SLC8A1: variants seen among roughly 807,000 people sequenced by gnomAD.
The protein encoded by SLC8A1 is sodium/calcium exchanger 1.
In SLC8A1, 18 loss-of-function variants were observed where a neutral mutation model predicts 68.3. The observed-to-expected ratio is 0.26, with a 90% CI of 0.18 to 0.39. The LOEUF is 0.39. Ranked by LOEUF, SLC8A1 falls within the 10% of genes least tolerant of loss-of-function variation. The pLI, the probability that SLC8A1 is intolerant of heterozygous loss-of-function variation, is 1.00. For missense variants in SLC8A1, 985 were observed against 1,156.7 expected, an observed-to-expected ratio of 0.85 and a Z score of 2.15; for synonymous variants, 475 against 415.5, an observed-to-expected ratio of 1.14 and a Z score of -1.74.
At chr2:40,416,711 G>T (rs755884729) in intron 2 of SLC8A1, among the ~76,000 whole-genome samples, 5 of 152,158 alleles carry the variant, frequency 3.3e-5, no homozygotes, top group Non-Finnish European at 7.4e-5. Context: ...GTAGCCTAAT[G>T]AGCCAAGTTG....
chr2:40,508,293 G>C (rs966960772), intron 1 of SLC8A1, among the ~76,000 whole-genome samples: 3 of 150,886 alleles, frequency 2.0e-5, no homozygotes, highest in Admixed American at 2.0e-4. Context: ...TTTCTGTTAA[G>C]GTATGATTTC....
intron 2 of SLC8A1, among the ~76,000 whole-genome samples, chr2:40,401,567 CAAAAAAAAAAAAAA>C: frequency 1.1e-5 from 1 of 94,074 alleles, no homozygotes. Context: ...ATAGGCCAGT[CAAAAAAAAAAAAAA>C]AAAAAAAAAG....
intron 2 of SLC8A1, among the ~76,000 whole-genome samples, chr2:40,367,378 A>G (rs997207754): frequency 6.6e-6 from 1 of 151,948 alleles, no homozygotes; most frequent in Non-Finnish European, 1.5e-5. Flanking sequence ...ATATTCTAAC[A>G]CTTCGCTGAT....
Position 40,460,120 on chromosome 2 carries a change from T to C in SLC8A1, c.-24-29816A>G, listed in dbSNP as rs148745029. On this transcript the variant is annotated intron_variant, in intron 1 of 7. Transcript: ENST00000402441. ...AAAGCAGATTACAACTCATATACTGTGCTTTTTTGAAATGAATGATATCAG... is the reference window on the plus strand; with the variant it reads ...AAAGCAGATTACAACTCATATACTGCGCTTTTTTGAAATGAATGATATCAG... Among the ~76,000 whole-genome samples the C allele has an allele frequency of 2.6e-5, 4 of 152,354 alleles. No individual in the cohort carries two copies. In the East Asian group the frequency reaches 5.8e-4, roughly 22 times the overall value.
At chr2:40,508,971 C>T (rs1197848022) in intron 1 of SLC8A1, among the ~76,000 whole-genome samples, 1 of 152,132 alleles carries the variant, frequency 6.6e-6, no homozygotes, top group Non-Finnish European at 1.5e-5. Context: ...CATGTGCAAT[C>T]AGAGTTGATA....
chr2:40,157,624 CTGG>C (rs2044800840), intron 6 of SLC8A1, among the ~76,000 whole-genome samples: 1 of 152,138 alleles, frequency 6.6e-6, no homozygotes, highest in Non-Finnish European at 1.5e-5. Flanking sequence ...CCATTCTGCC[CTGG>C]TAGAAGGAGA....
rs999713033 is a variant in SLC8A1, at chr2:40,231,777, T to C, written c.1809-53922A>G. 3.9e-5 allele frequency among the ~76,000 whole-genome samples: 6 copies of C among 152,238 alleles called. No homozygotes were observed. The East Asian group carries it at 5.8e-4, about 15-fold the overall frequency. On this transcript the variant is annotated intron_variant, in intron 2 of 7. Transcript: ENST00000406785. ...CAAGAACTAGCAACACCCACATCAA[T>C]AGCATCCACCTTTACCATCACCTAT...
At chr2:40,421,539 G>A (rs943692324) in intron 2 of SLC8A1, among the ~76,000 whole-genome samples, 2 of 152,114 alleles carry the variant, frequency 1.3e-5, no homozygotes, top group Non-Finnish European at 2.9e-5. Flanking sequence ...ATATCTTAGG[G>A]TATTTTATTA....
At position 40,165,096 on chromosome 2, in the gene SLC8A1, G is replaced by C; in HGVS notation, c.1931-112C>G. The C allele has an allele frequency of 6.6e-6, 9 of 1,360,686 alleles. No homozygotes were observed. The South Asian group carries it at 1.1e-4, about 17-fold the overall frequency. 84.3% of individuals were successfully genotyped at this position (1,360,686 alleles called of 1,614,324 possible). On this transcript the variant is annotated intron_variant, in intron 4 of 7. Transcript: ENST00000406785. ...AAGGAAGCCCTAATGACCTACTAAA[G>C]CCCCCTGGGTGAGATCACGATGCTG...
intron 1 of SLC8A1, among the ~76,000 whole-genome samples, chr2:40,469,036 T>C (rs368181654): frequency 8.5e-5 from 13 of 152,276 alleles, no homozygotes; most frequent in Non-Finnish European, 1.6e-4. Context: ...AGTGCAAAAA[T>C]ATTACCACAC....
At chr2:40,185,863 G>A (rs1210157443) in intron 2 of SLC8A1, among the ~76,000 whole-genome samples, 1 of 152,156 alleles carries the variant, frequency 6.6e-6, no homozygotes, top group East Asian at 1.9e-4. Flanking sequence ...AGAATGTTTG[G>A]AGTTTTCAGT....
At chr2:40,316,232 C>T (rs2074429520) in intron 2 of SLC8A1, among the ~76,000 whole-genome samples, 3 of 152,052 alleles carry the variant, frequency 2.0e-5, no homozygotes, top group African/African-American at 2.4e-5. Flanking sequence ...CTGGACTCAA[C>T]TGTCCTTTGT....
Position 40,270,735 on chromosome 2 carries a change from G to C in SLC8A1, c.1809-92880C>G, listed in dbSNP as rs187942737. ...TCAGGTGACAGATACACAGGTTCTGGGAATTAGAACATGGACATCTTGGGT... is the reference window on the plus strand; with the variant it reads ...TCAGGTGACAGATACACAGGTTCTGCGAATTAGAACATGGACATCTTGGGT... On this transcript the variant is annotated intron_variant, in intron 2 of 7. Coordinates refer to ENST00000406785, the Ensembl canonical transcript of SLC8A1. Among the ~76,000 whole-genome samples the C allele has an allele frequency of 9.2e-5, 14 of 152,268 alleles. 1 individual carries two copies. The East Asian group carries it at 2.7e-3, about 29-fold the overall frequency.
At chr2:40,354,893 T>C (rs555061900) in intron 2 of SLC8A1, among the ~76,000 whole-genome samples, 26 of 152,248 alleles carry the variant, frequency 1.7e-4, no homozygotes, top group African/African-American at 6.0e-4. Flanking sequence ...CCCTTTCAGA[T>C]TACCTCTAGA....
chr2:40,365,803 C>A (rs947281592), intron 2 of SLC8A1, among the ~76,000 whole-genome samples: 6 of 151,862 alleles, frequency 4.0e-5, no homozygotes, highest in Non-Finnish European at 8.8e-5. Flanking sequence ...GAGTTCAAGA[C>A]CAAACTGGGC....
At chr2:40,359,579 T>C (rs553994066) in intron 2 of SLC8A1, among the ~76,000 whole-genome samples, 1 of 152,102 alleles carries the variant, frequency 6.6e-6, no homozygotes, top group East Asian at 1.9e-4. Flanking sequence ...TTATAACAGT[T>C]TGGTTTAGGG....
chr2:40,247,675 TTAACAG>T (rs2062076898), intron 2 of SLC8A1, among the ~76,000 whole-genome samples: 1 of 152,182 alleles, frequency 6.6e-6, no homozygotes, highest in African/African-American at 2.4e-5. Context: ...TGTTAATACA[TTAACAG>T]TAACTGCTTA....
intron 2 of SLC8A1, among the ~76,000 whole-genome samples, chr2:40,410,808 T>C (rs1559566588): frequency 6.6e-6 from 1 of 152,094 alleles, no homozygotes; most frequent in African/African-American, 2.4e-5. Flanking sequence ...CATTTTCACA[T>C]ACCTTATCTT....
intron 2 of SLC8A1, among the ~76,000 whole-genome samples, chr2:40,411,264 A>AT (rs1692047846): frequency 6.6e-6 from 1 of 152,124 alleles, no homozygotes; most frequent in African/African-American, 2.4e-5. Flanking sequence ...AATAGCTAGC[A>AT]TAACACTTTG....
Sources: allele counts gnomAD v4.1 joint callset (sites outside exome capture counted in the v4.1 genomes callset), GRCh38; gene constraint gnomAD v4.1.1; transcripts MANE v1.5; gene names NCBI Gene and HGNC (gene_info 2026-07-23, HGNC 2026-07-21).